The following MEDAG variants were observed in gnomAD, a reference collection of about 807,000 sequenced individuals.
The protein encoded by MEDAG is mesenteric estrogen dependent adipogenesis.
In MEDAG, 25 loss-of-function variants were observed where a neutral mutation model predicts 29.9. The observed-to-expected ratio is 0.84, with a 90% CI of 0.61 to 1.17. MEDAG has a LOEUF of 1.17. Ranked by LOEUF, MEDAG falls within the 50% of genes most tolerant of loss-of-function variation. The pLI is 0.00. For missense variants in MEDAG, 398 were observed against 372.9 expected, an observed-to-expected ratio of 1.07 and a Z score of -0.56; for synonymous variants, 158 against 148.2, an observed-to-expected ratio of 1.07 and a Z score of -0.48.
intron 4 of MEDAG, 54 bp from the exon 5 acceptor site, chr13:30,924,257 T>G (rs1953018235): frequency 1.3e-6 from 2 of 1,519,552 alleles, no homozygotes; most frequent in South Asian, 1.3e-5. Context: ...GCACTGTTGG[T>G]TTTTTTTTCT....
intron 2 of MEDAG, among the ~76,000 whole-genome samples, chr13:30,920,367 C>A (rs763468280): frequency 6.6e-6 from 1 of 152,026 alleles, no homozygotes; most frequent in East Asian, 1.9e-4. Flanking sequence ...TGGCAGATTG[C>A]GCAAGTTCAG....
chr13:30,917,791 A>T (rs1018990209), intron 2 of MEDAG, among the ~76,000 whole-genome samples: 1 of 152,184 alleles, frequency 6.6e-6, no homozygotes, highest in Non-Finnish European at 1.5e-5. Flanking sequence ...TGAGAACAGC[A>T]AGGGGAAAAT....
At chr13:30,915,693 C>G (rs990840262) in intron 1 of MEDAG, among the ~76,000 whole-genome samples, 1 of 152,026 alleles carries the variant, frequency 6.6e-6, no homozygotes, top group African/African-American at 2.4e-5. Flanking sequence ...CATCTCACCC[C>G]CTTTCTCCTG....
Position 30,925,207 on chromosome 13 carries a change from T to C in MEDAG, c.*772T>C, listed in dbSNP as rs1416961797. 1 of 152,088 alleles carries C rather than the reference T, an allele frequency of 6.6e-6. No individual in the cohort carries two copies. The highest frequency in any genetic ancestry group is 1.5e-5 in the Non-Finnish European group (1 of 68,028). 9.4% of individuals were successfully genotyped at this position (152,088 alleles called of 1,614,324 possible). A position where few individuals can be genotyped will look rare whatever the true frequency, so the allele number is the denominator to read the frequency against. Reference sequence around the variant, plus strand: ...CCTTATTGAAAACACATTATGTCAGTTGGGAATTTTAAATAAGCTTTTAGC... The same window carrying C: ...CCTTATTGAAAACACATTATGTCAGCTGGGAATTTTAAATAAGCTTTTAGC... On this transcript the variant is annotated 3_prime_UTR_variant, in exon 5 of 5. Coordinates refer to ENST00000380482, the MANE Select transcript of MEDAG (RefSeq NM_032849.4).
chr13:30,921,736 G>A lies in MEDAG; in HGVS notation c.677G>A (p.Ser226Asn), dbSNP rs749965380. 2 of 1,614,010 alleles carry A rather than the reference G, an allele frequency of 1.2e-6. No homozygotes were observed. Among genetic ancestry groups the A allele is most frequent in the Non-Finnish European group, 1.7e-6 (2 of 1,179,992 alleles). Residue 226 changes from serine to asparagine, a missense_variant, in exon 4 of 5, where the codon AGT becomes AAT. Transcript: ENST00000380482. Reference protein sequence around the residue: ...KVNGKVLNLSSTSPEKKETIK... With the variant: ...KVNGKVLNLSNTSPEKKETIK... The stretch of plus-strand genomic sequence containing the variant: ...AATGGAAAAGTTCTGAATTTGTCAA[G>A]TACAAGTCCAGAAAAGAAGGAGACG...
At chr13:30,918,658 T>C (rs1952953250) in intron 2 of MEDAG, among the ~76,000 whole-genome samples, 1 of 152,208 alleles carries the variant, frequency 6.6e-6, no homozygotes, top group Non-Finnish European at 1.5e-5. Flanking sequence ...TAGAATTTCT[T>C]AAACTTGCTT....
In MEDAG at chr13:30,921,092, T is replaced by C. The variant is rs1409672991; in HGVS notation, c.467T>C (p.Ile156Thr). The C allele has an allele frequency of 1.2e-6, 2 of 1,614,150 alleles. No individual in the cohort carries two copies. Among genetic ancestry groups the C allele is most frequent in the Non-Finnish European group, 1.7e-6 (2 of 1,180,024 alleles). ...RQIEQGMDMV[I>T]SSVIGESYRL... The stretch of plus-strand genomic sequence containing the variant: ...ATAGAGCAAGGGATGGACATGGTCA[T>C]CTCCTCAGTGATTGGAGAAAGTTAC... The change falls in exon 3 of 5, where the codon ATC becomes ACC. Residue 156 changes from isoleucine (I) to threonine (T), a missense_variant. Ile to Thr is a moderately conservative substitution (Grantham distance 89). Coordinates refer to ENST00000380482, the MANE Select transcript of MEDAG (RefSeq NM_032849.4).
chr13:30,911,539 C>T (rs1952882299), intron 1 of MEDAG, among the ~76,000 whole-genome samples: 1 of 152,116 alleles, frequency 6.6e-6, no homozygotes, highest in Non-Finnish European at 1.5e-5. Flanking sequence ...TGCTCTTGTC[C>T]AATCCTTGTG....
chr13:30,920,095 A>C (rs566052103), intron 2 of MEDAG, among the ~76,000 whole-genome samples: 111 of 152,274 alleles, frequency 7.3e-4, no homozygotes, highest in African/African-American at 2.5e-3. Flanking sequence ...AGGGAGAAGA[A>C]TCAACCTCTG....
chr13:30,924,250 C>T, intron 4 of MEDAG, 61 bp from the exon 5 acceptor site: 1 of 1,506,404 alleles, frequency 6.6e-7, no homozygotes. Context: ...TTGAAAGGCA[C>T]TGTTGGTTTT....
chr13:30,925,395 T>C lies in MEDAG; in HGVS notation c.*960T>C, dbSNP rs1953032083. 1.3e-5 allele frequency: 2 copies of C among 151,958 alleles called. No individual in the cohort carries two copies. Among genetic ancestry groups the C allele is most frequent in the African/African-American group, 2.4e-5 (1 of 41,382 alleles). The allele number at this position is 151,958 out of a possible 1,614,324, so 9.4% of individuals were successfully genotyped here. ...TACATATGCTTATAATGAGGAAGAGTTATGGGTCCTGAGTGTAATTTTTTA... is the reference window on the plus strand; with the variant it reads ...TACATATGCTTATAATGAGGAAGAGCTATGGGTCCTGAGTGTAATTTTTTA... On this transcript the variant is annotated 3_prime_UTR_variant, in exon 5 of 5. Transcript: ENST00000380482.
At chr13:30,917,217 C>T (rs1034646310) in intron 1 of MEDAG, among the ~76,000 whole-genome samples, 186 bp from the exon 2 acceptor site, 9 of 152,166 alleles carry the variant, frequency 5.9e-5, no homozygotes, top group African/African-American at 1.7e-4. Context: ...GTGGGCTGCA[C>T]GCTGATCCTT....
chr13:30,920,291 G>T (rs1212375849), intron 2 of MEDAG, among the ~76,000 whole-genome samples: 6 of 152,134 alleles, frequency 3.9e-5, no homozygotes, highest in African/African-American at 1.4e-4. Flanking sequence ...GCCAAGTTGT[G>T]ATTTGAATAC....
intron 2 of MEDAG, among the ~76,000 whole-genome samples, chr13:30,919,469 A>G (rs552430127): frequency 5.4e-4 from 83 of 152,350 alleles, no homozygotes; most frequent in African/African-American, 2.0e-3. Flanking sequence ...CCATGAGTAT[A>G]TAATGACCCC....
At chr13:30,922,033 T>G in intron 4 of MEDAG, 187 bp downstream of exon 4, 2 of 587,260 alleles carry the variant, frequency 3.4e-6, no homozygotes, top group East Asian at 6.1e-5. Flanking sequence ...CTTTTCCTTT[T>G]GAGCTCCTTT....
At chr13:30,921,454 G>T in intron 3 of MEDAG, 107 bp from the exon 4 acceptor site, 1 of 1,033,674 alleles carries the variant, frequency 9.7e-7, no homozygotes, top group Non-Finnish European at 1.4e-6. Context: ...AGAGTGAAAG[G>T]GAAATAAGAG....
At chr13:30,921,984 G>C in intron 4 of MEDAG, 138 bp downstream of exon 4, 1 of 934,422 alleles carries the variant, frequency 1.1e-6, no homozygotes, top group Non-Finnish European at 1.5e-6. Context: ...CAGAAAGTAA[G>C]AAGTGGGGCA....
rs776738657 is a variant in MEDAG at position 30,918,791 on chromosome 13, A to C, written c.388+1279A>C. On this transcript the variant is annotated intron_variant, in intron 2 of 4. Coordinates refer to ENST00000380482, the MANE Select transcript of MEDAG (RefSeq NM_032849.4). Reference sequence around the variant, plus strand: ...AGCTCTCTCTGCTCATTTGACAATAAAAAGTCATGATGTTCTTTCTGCAGG... The same window carrying C: ...AGCTCTCTCTGCTCATTTGACAATACAAAGTCATGATGTTCTTTCTGCAGG... Among the ~76,000 whole-genome samples the C allele has an allele frequency of 5.3e-4, 80 of 152,236 alleles. 1 individual carries two copies. The highest frequency in any genetic ancestry group is 1.3e-4 in the Non-Finnish European group (9 of 68,040).
intron 1 of MEDAG, chr13:30,909,007 A>C (rs9594160): frequency 6.7e-6 from 1 of 150,374 alleles, no homozygotes; most frequent in Non-Finnish European, 1.5e-5. Context: ...CCAGCTGCTC[A>C]GGAGGCCGAG....
Sources: allele counts gnomAD v4.1 joint callset (sites outside exome capture counted in the v4.1 genomes callset), GRCh38; gene constraint gnomAD v4.1.1; transcripts MANE v1.5; gene names NCBI Gene and HGNC (gene_info 2026-07-23, HGNC 2026-07-21).